The following BLMH variants were observed in gnomAD, a reference collection of about 807,000 sequenced individuals.
The protein encoded by BLMH is BLM hydrolase.
BLMH carries 32 observed loss-of-function variants against 61.6 expected under a neutral mutation model. That is an observed-to-expected ratio of 0.52 (90% CI 0.39 to 0.70). BLMH has a LOEUF of 0.70. BLMH is among the 30% of genes least tolerant of loss of function. BLMH has a pLI of 0.00. For synonymous variants in BLMH, 183 were observed against 193.8 expected (o/e 0.94, Z 0.46); for missense variants, 460 against 555.5 (o/e 0.83, Z 1.73).
intron 11 of BLMH, among the ~76,000 whole-genome samples, chr17:30,250,897 C>T (rs1000301414): frequency 1.3e-5 from 2 of 152,156 alleles, no homozygotes; most frequent in East Asian, 3.8e-4. Flanking sequence ...GAATATTATA[C>T]TCGGCCATAA....
chr17:30,248,767 G>T lies in BLMH; in HGVS notation c.*250C>A, dbSNP rs1404813442. ...ATTACATCTAATTAAAATGCTAAGAGATCCTGAGCTGTTAGAGATGAGGAG... is the reference window on the plus strand; with the variant it reads ...ATTACATCTAATTAAAATGCTAAGATATCCTGAGCTGTTAGAGATGAGGAG... On this transcript the variant is annotated 3_prime_UTR_variant, in exon 12 of 12. Coordinates refer to ENST00000261714, the MANE Select transcript of BLMH (RefSeq NM_000386.4). The T allele has an allele frequency of 4.5e-6, 2 of 448,212 alleles. No individual in the cohort carries two copies. Among genetic ancestry groups the T allele is most frequent in the Non-Finnish European group, 7.9e-6 (2 of 252,834 alleles). The allele number at this position is 448,212 out of a possible 1,614,324, so 27.8% of individuals were successfully genotyped here.
chr17:30,272,727 G>A lies in BLMH; in HGVS notation c.960+14C>T, dbSNP rs752027911. On this transcript the variant is annotated intron_variant, in intron 8 of 11. Transcript: ENST00000261714. The stretch of plus-strand genomic sequence containing the variant: ...TTTTAACCCCAATGTGCAAAATACA[G>A]AAACAATACCAACCTCTCCATCTTT... 3 of 1,613,972 alleles carry A rather than the reference G, an allele frequency of 1.9e-6. No homozygotes were observed. The highest frequency in any genetic ancestry group is 2.7e-5 in the African/African-American group (2 of 74,896).
chr17:30,280,338 G>A (rs985295098), intron 6 of BLMH, among the ~76,000 whole-genome samples: 2 of 152,176 alleles, frequency 1.3e-5, no homozygotes, highest in African/African-American at 2.4e-5. Flanking sequence ...CACTGCAGAA[G>A]AGACAGAATC....
chr17:30,285,243 G>T, intron 6 of BLMH, 145 bp downstream of exon 6: 1 of 614,292 alleles, frequency 1.6e-6, no homozygotes, highest in Non-Finnish European at 2.7e-6. Context: ...TTTAAGCTCA[G>T]TTTTTTCAGT....
At chr17:30,282,219 GTT>G (rs74886535) in intron 6 of BLMH, among the ~76,000 whole-genome samples, 32 of 122,212 alleles carry the variant, frequency 2.6e-4, no homozygotes, top group South Asian at 1.3e-3. Flanking sequence ...AACAGACAAG[GTT>G]TTTTTTTTTT....
chr17:30,277,111 G>A lies in BLMH; in HGVS notation c.646-2914C>T, dbSNP rs576279485. On this transcript the variant is annotated intron_variant, in intron 6 of 11. Transcript: ENST00000261714. Reference sequence around the variant, plus strand: ...AGAAGTTATGCTTGCCTGTCATTTTGTTTTGTTCTGTTTTCCAAGAGAGAA... The same window carrying A: ...AGAAGTTATGCTTGCCTGTCATTTTATTTTGTTCTGTTTTCCAAGAGAGAA... Among the ~76,000 whole-genome samples, 8 of 152,230 alleles carry A rather than the reference G, an allele frequency of 5.3e-5. No homozygotes were observed. In the South Asian group the frequency reaches 1.7e-3, roughly 32 times the overall value.
At chr17:30,287,103 T>C (rs1908755058) in intron 4 of BLMH, among the ~76,000 whole-genome samples, 1 of 152,158 alleles carries the variant, frequency 6.6e-6, no homozygotes, top group East Asian at 1.9e-4. Flanking sequence ...TGGAGTGCTG[T>C]GACACGATCC....
At chr17:30,289,199 A>G (rs1376203178) in intron 3 of BLMH, among the ~76,000 whole-genome samples, 174 bp downstream of exon 3, 2 of 152,176 alleles carry the variant, frequency 1.3e-5, no homozygotes, top group Non-Finnish European at 2.9e-5. Flanking sequence ...CCTACCAACC[A>G]AAAACAGTTC....
intron 11 of BLMH, among the ~76,000 whole-genome samples, chr17:30,263,731 G>A (rs930990061): frequency 6.6e-6 from 1 of 152,204 alleles, no homozygotes; most frequent in South Asian, 2.1e-4. Flanking sequence ...CATGACCAAT[G>A]GGGAGAACCA....
intron 11 of BLMH, chr17:30,249,709 G>A (rs1282867943): frequency 6.6e-6 from 1 of 152,538 alleles, no homozygotes; most frequent in Non-Finnish European, 1.5e-5. Context: ...ATGGGGCCAA[G>A]TCATCATTCC....
chr17:30,268,656 C>T (rs964525164), intron 10 of BLMH, among the ~76,000 whole-genome samples: 1 of 149,168 alleles, frequency 6.7e-6, no homozygotes, highest in African/African-American at 2.5e-5. Flanking sequence ...TATTCTATAA[C>T]AGAGATAGAA....
chr17:30,254,196 A>G (rs1379144471), intron 11 of BLMH, among the ~76,000 whole-genome samples: 1 of 152,232 alleles, frequency 6.6e-6, no homozygotes, highest in Non-Finnish European at 1.5e-5. Flanking sequence ...ATTTCACCTC[A>G]CTAACAAACT....
intron 4 of BLMH, 88 bp from the exon 5 acceptor site, chr17:30,286,990 T>A (rs1908751219): frequency 2.5e-6 from 2 of 811,252 alleles, no homozygotes; most frequent in Non-Finnish European, 4.0e-6. Context: ...ATAGGCGATA[T>A]TTTGCTGGCT....
chr17:30,287,182 A>T (rs1908756960), intron 4 of BLMH, among the ~76,000 whole-genome samples: 1 of 152,000 alleles, frequency 6.6e-6, no homozygotes, highest in Non-Finnish European at 1.5e-5. Flanking sequence ...GCATGATACC[A>T]TGTGCAGCTA....
At position 30,288,890 on chromosome 17, in the gene BLMH, C is replaced by T. The variant is rs1908806175; in HGVS notation, c.321+483G>A. On this transcript the variant is annotated intron_variant, in intron 3 of 11. Coordinates refer to ENST00000261714, the MANE Select transcript of BLMH (RefSeq NM_000386.4). ...GCTGAGTTGAGAGGATGGCTTGAAC[C>T]CAGGAGGCAGAGGTTACAGTGAGCC... Among the ~76,000 whole-genome samples, 6 of 152,206 alleles carry T rather than the reference C, an allele frequency of 3.9e-5. No homozygotes were observed. In the South Asian group the frequency reaches 1.2e-3, roughly 32 times the overall value.
chr17:30,280,542 T>A (rs1165672609), intron 6 of BLMH, among the ~76,000 whole-genome samples: 1 of 152,156 alleles, frequency 6.6e-6, no homozygotes, highest in Non-Finnish European at 1.5e-5. Context: ...AGGGGTGTAA[T>A]CACAGCTCAC....
chr17:30,260,897 A>G (rs1907939519), intron 11 of BLMH, among the ~76,000 whole-genome samples: 1 of 151,980 alleles, frequency 6.6e-6, no homozygotes, highest in Admixed American at 6.5e-5. Context: ...AACAACAACA[A>G]CAACGGCAAC....
chr17:30,291,631 C>T (rs1035049926), intron 1 of BLMH, 123 bp from the exon 2 acceptor site: 3 of 1,405,282 alleles, frequency 2.1e-6, no homozygotes, highest in African/African-American at 2.9e-5. Flanking sequence ...CGGGGAAACC[C>T]ATAAGCGGCA....
At chr17:30,282,391 G>A (rs1019656210) in intron 6 of BLMH, among the ~76,000 whole-genome samples, 9 of 151,774 alleles carry the variant, frequency 5.9e-5, no homozygotes, top group African/African-American at 7.3e-5. Context: ...TGTTTTTTTC[G>A]TATTTTAGTA....
Sources: gnomAD v4.1 joint callset for allele counts (sites outside exome capture counted in the v4.1 genomes callset) on GRCh38, gnomAD v4.1.1 for gene constraint, MANE v1.5 for transcripts, NCBI Gene and HGNC (gene_info 2026-07-23, HGNC 2026-07-21) for gene names.